Variants in CMSS1 observed in about 807,000 individuals in gnomAD.
CMSS1 encodes the protein protein CMSS1.
CMSS1 carries 33 observed loss-of-function variants against 43.5 expected under a neutral mutation model. The ratio of observed to expected loss-of-function variants is 0.76; its 90% CI spans 0.57 to 1.01. The LOEUF is 1.01. Ranked by LOEUF, CMSS1 falls within the 50% of genes least tolerant of loss-of-function variation. The pLI, the probability that CMSS1 is intolerant of heterozygous loss-of-function variation, is 0.00. For missense variants in CMSS1, 313 were observed against 326.4 expected (o/e 0.96, Z 0.32); for synonymous variants, 115 against 117.2 (o/e 0.98, Z 0.12).
At chr3:99,819,757 C>CTTTT (rs551286788) in intron 1 of CMSS1, among the ~76,000 whole-genome samples, 1 of 136,050 alleles carries the variant, frequency 7.4e-6, no homozygotes. Context: ...TTTTTTTTTT[C>CTTTT]TTTTTTTTTT....
intron 1 of CMSS1, among the ~76,000 whole-genome samples, chr3:99,873,487 TTAAA>T (rs777024625): frequency 2.0e-5 from 3 of 152,208 alleles, no homozygotes; most frequent in Non-Finnish European, 4.4e-5. Context: ...CCTTTTTCCT[TTAAA>T]TAGGAGGGGC....
At chr3:99,900,408 A>G (rs1706397217) in intron 1 of CMSS1, among the ~76,000 whole-genome samples, 1 of 152,224 alleles carries the variant, frequency 6.6e-6, no homozygotes, top group Non-Finnish European at 1.5e-5. Flanking sequence ...CAGCAGCCCT[A>G]TAAGGGTTAT....
intron 1 of CMSS1, among the ~76,000 whole-genome samples, chr3:100,029,237 G>C (rs910529405): frequency 4.4e-4 from 66 of 151,606 alleles, no homozygotes; most frequent in African/African-American, 1.5e-3. Context: ...ATTTTCACAT[G>C]TATAAATAAA....
At chr3:99,937,425 C>T (rs563822536) in intron 1 of CMSS1, among the ~76,000 whole-genome samples, 5 of 152,278 alleles carry the variant, frequency 3.3e-5, no homozygotes, top group Admixed American at 3.3e-4. Context: ...GTGCTTTTCT[C>T]AACCACTGCT....
chr3:100,178,242 G>A (rs1181257801), intron 9 of CMSS1, 63 bp from the exon 10 acceptor site: 7 of 953,780 alleles, frequency 7.3e-6, no homozygotes, highest in Non-Finnish European at 1.2e-5. Context: ...ATGGTTGAAT[G>A]TATTCACCAA....
At chr3:100,018,095 G>A (rs752149876) in intron 1 of CMSS1, among the ~76,000 whole-genome samples, 2 of 152,156 alleles carry the variant, frequency 1.3e-5, no homozygotes, top group East Asian at 1.9e-4. Flanking sequence ...TTGGGAGGCC[G>A]AGGCGGGCAG....
chr3:100,002,226 C>T (rs1274002936), intron 1 of CMSS1, among the ~76,000 whole-genome samples: 1 of 152,140 alleles, frequency 6.6e-6, no homozygotes, highest in Admixed American at 6.5e-5. Flanking sequence ...ACAGACTGAT[C>T]ATGATTTTGG....
chr3:99,854,372 T>A (rs151325116), intron 1 of CMSS1, among the ~76,000 whole-genome samples: 302 of 152,356 alleles, frequency 2.0e-3, no homozygotes, highest in African/African-American at 6.8e-3. Context: ...ATCAATGATT[T>A]TGATTGCTTT....
chr3:99,836,638 G>A (rs1427181110), intron 1 of CMSS1, among the ~76,000 whole-genome samples: 1 of 152,108 alleles, frequency 6.6e-6, no homozygotes, highest in East Asian at 1.9e-4. Context: ...CCTACCATGT[G>A]CCCACATCCT....
chr3:100,060,261 G>A (rs1262912161), intron 1 of CMSS1, among the ~76,000 whole-genome samples: 1 of 152,086 alleles, frequency 6.6e-6, no homozygotes, highest in Non-Finnish European at 1.5e-5. Context: ...GGGAGGTAAA[G>A]GAGTGAAGTA....
intron 1 of CMSS1, among the ~76,000 whole-genome samples, chr3:99,989,097 G>A (rs2107124929): frequency 6.6e-6 from 1 of 152,316 alleles, no homozygotes; most frequent in South Asian, 2.1e-4. Context: ...TTCACTCACA[G>A]TTCATAGGGT....
At chr3:100,132,430 A>T (rs2066716165) in intron 1 of CMSS1, among the ~76,000 whole-genome samples, 1 of 152,208 alleles carries the variant, frequency 6.6e-6, no homozygotes, top group Non-Finnish European at 1.5e-5. Context: ...ATAATTTGTT[A>T]AGATTAACCT....
At chr3:99,915,190 C>A (rs375160309) in intron 1 of CMSS1, among the ~76,000 whole-genome samples, 1 of 152,122 alleles carries the variant, frequency 6.6e-6, no homozygotes, top group African/African-American at 2.4e-5. Context: ...CATGACCATG[C>A]TAACCGAAGG....
chr3:99,860,219 G>A (rs2107551986), intron 1 of CMSS1, among the ~76,000 whole-genome samples: 1 of 152,254 alleles, frequency 6.6e-6, no homozygotes. Flanking sequence ...TAAGAAGGAG[G>A]CTTTAGCTTG....
intron 1 of CMSS1, among the ~76,000 whole-genome samples, chr3:100,026,957 T>A (rs1244169914): frequency 6.6e-6 from 1 of 152,136 alleles, no homozygotes; most frequent in East Asian, 1.9e-4. Context: ...TGCAGCTACA[T>A]TGGCCTCCTG....
intron 1 of CMSS1, chr3:99,849,490 T>C: frequency 6.2e-7 from 1 of 1,613,462 alleles, no homozygotes; most frequent in Non-Finnish European, 8.5e-7. Context: ...AGTTGCCATG[T>C]ATTCATGAAT....
At chr3:100,163,162 TAAC>T (rs934987912) in intron 4 of CMSS1, among the ~76,000 whole-genome samples, 24 of 152,348 alleles carry the variant, frequency 1.6e-4, no homozygotes, top group African/African-American at 5.5e-4. Context: ...TGTGCATTTT[TAAC>T]AAACTATTCA....
chr3:99,951,658 C>T (rs930394583), intron 1 of CMSS1, among the ~76,000 whole-genome samples: 1 of 152,190 alleles, frequency 6.6e-6, no homozygotes, highest in Non-Finnish European at 1.5e-5. Flanking sequence ...ACAGTCCCCA[C>T]TATGTTGGGC....
chr3:99,947,582 G>A (rs567805918), intron 1 of CMSS1, among the ~76,000 whole-genome samples: 5 of 152,220 alleles, frequency 3.3e-5, no homozygotes, highest in South Asian at 4.2e-4. Context: ...AACTGTCCTC[G>A]GCTGAGAAAA....
Sources: gnomAD v4.1 joint callset for allele counts (sites outside exome capture counted in the v4.1 genomes callset) on GRCh38, gnomAD v4.1.1 for gene constraint, MANE v1.5 for transcripts, NCBI Gene and HGNC (gene_info 2026-07-23, HGNC 2026-07-21) for gene names.